The following AGBL1 variants were observed in gnomAD, a reference collection of about 807,000 sequenced individuals.
The protein encoded by AGBL1 is AGBL carboxypeptidase 1, also known as cytosolic carboxypeptidase 4.
Under a neutral mutation model 118.9 loss-of-function variants are expected in AGBL1, and 130 were observed. That is an observed-to-expected ratio of 1.09 (90% CI 0.95 to 1.26). The LOEUF (loss-of-function observed/expected upper bound fraction) is 1.26. Ranked by LOEUF, AGBL1 falls within the 50% of genes most tolerant of loss-of-function variation. AGBL1 has a pLI of 0.00. For synonymous variants in AGBL1, 555 were observed against 478.9 expected (o/e 1.16, Z -2.08); for missense variants, 1,584 against 1,298.1 (o/e 1.22, Z -3.38).
chr15:86,454,242 A>G (rs1019363708), intron 18 of AGBL1, among the ~76,000 whole-genome samples: 1 of 152,142 alleles, frequency 6.6e-6, no homozygotes, highest in African/African-American at 2.4e-5. Flanking sequence ...TCCTTCTACT[A>G]TTTTTGCTTA....
intron 22 of AGBL1, among the ~76,000 whole-genome samples, chr15:86,784,073 A>T (rs1436484320): frequency 6.6e-6 from 1 of 152,246 alleles, no homozygotes; most frequent in Non-Finnish European, 1.5e-5. Flanking sequence ...AATTTTGCAC[A>T]ATCTCTTAAC....
In AGBL1 at chr15:86,911,842, C is replaced by T. The variant is rs1194709479; in HGVS notation, c.*4548C>T. 6.6e-6 allele frequency: 1 copy of T among 152,114 alleles called. No individual in the cohort carries two copies. The highest frequency in any genetic ancestry group is 1.9e-4 in the East Asian group (1 of 5,180). The allele number at this position is 152,114 out of a possible 1,614,324, so 9.4% of individuals were successfully genotyped here. A position where few individuals can be genotyped will look rare whatever the true frequency, so the allele number is the denominator to read the frequency against. On this transcript the variant is annotated 3_prime_UTR_variant, in exon 23 of 23. Transcript: ENST00000614907. ...AGTTATATATAATCTCTCTTCCATG[C>T]CCCTGTTGCACTGTTTATATATCTC...
chr15:86,882,257 G>A (rs2079904826), intron 22 of AGBL1, among the ~76,000 whole-genome samples: 1 of 152,036 alleles, frequency 6.6e-6, no homozygotes, highest in East Asian at 1.9e-4. Flanking sequence ...TAAGTGGGGT[G>A]GTATCCAAAA....
At chr15:86,729,921 C>G (rs1042194210) in intron 22 of AGBL1, among the ~76,000 whole-genome samples, 1 of 152,156 alleles carries the variant, frequency 6.6e-6, no homozygotes, top group Non-Finnish European at 1.5e-5. Context: ...TCTCCACAAC[C>G]TCAGCAACAT....
chr15:86,229,479 C>T (rs1399724002), intron 6 of AGBL1, among the ~76,000 whole-genome samples: 1 of 152,142 alleles, frequency 6.6e-6, no homozygotes, highest in East Asian at 1.9e-4. Flanking sequence ...CAATTACCTC[C>T]CACCAGGTCC....
At chr15:86,889,480 C>T (rs911003993) in intron 22 of AGBL1, among the ~76,000 whole-genome samples, 10 of 152,012 alleles carry the variant, frequency 6.6e-5, no homozygotes, top group Admixed American at 2.0e-4. Context: ...CTGCACAGAT[C>T]GACCTATCAC....
At chr15:86,798,872 T>G (rs2078610211) in intron 22 of AGBL1, among the ~76,000 whole-genome samples, 1 of 151,890 alleles carries the variant, frequency 6.6e-6, no homozygotes. Context: ...TGATTATTAT[T>G]GTTGGAAGTG....
Position 86,279,679 on chromosome 15 carries a change from T to C in AGBL1, c.2116T>C (p.Ser706Pro), listed in dbSNP as rs2079316579. The stretch of plus-strand genomic sequence containing the variant: ...GAGTACAGCTGTTGCAGGCGGAGCA[T>C]CTGGGAAGTGCTACTATACCCTCAC... ...RQSTAVAGGA[S>P]GKCYYTLTFA... The change falls in exon 16 of 23, where the codon TCT becomes CCT. Residue 706 changes from serine to proline, a missense_variant. By Grantham distance (74) the Ser-to-Pro change is moderately conservative. Transcript: ENST00000614907. 1.9e-6 allele frequency: 3 copies of C among 1,613,386 alleles called. No homozygotes were observed. Among genetic ancestry groups the C allele is most frequent in the Non-Finnish European group, 2.5e-6 (3 of 1,179,558 alleles).
At chr15:86,625,368 TTTTTTTTTTTGTTTTTG>T (rs376512558) in intron 21 of AGBL1, among the ~76,000 whole-genome samples, 31,392 of 94,836 alleles carry the variant, frequency 0.33, 7,634 homozygotes, top group East Asian at 0.56. Flanking sequence ...AATTAGCGTT[TTTTTTTTTTTGTTTTTG>T]TTTTTTTTTT....
chr15:86,749,919 T>C (rs1361791228), intron 22 of AGBL1, among the ~76,000 whole-genome samples: 1 of 152,182 alleles, frequency 6.6e-6, no homozygotes, highest in East Asian at 1.9e-4. Flanking sequence ...TGCCAGTATT[T>C]TATTGAGGAT....
At chr15:86,195,378 T>C (rs1436361666) in intron 5 of AGBL1, among the ~76,000 whole-genome samples, 1 of 152,166 alleles carries the variant, frequency 6.6e-6, no homozygotes, top group Non-Finnish European at 1.5e-5. Context: ...GCTGTAACTG[T>C]TCTGAAGGTG....
intron 18 of AGBL1, among the ~76,000 whole-genome samples, chr15:86,421,157 A>G (rs2081784144): frequency 6.6e-6 from 1 of 152,170 alleles, no homozygotes; most frequent in African/African-American, 2.4e-5. Flanking sequence ...AAGACACATA[A>G]CCGTCAGATT....
chr15:86,124,441 C>A (rs1392091066), intron 1 of AGBL1, among the ~76,000 whole-genome samples: 1 of 151,860 alleles, frequency 6.6e-6, no homozygotes. Flanking sequence ...ATGTATCATG[C>A]TATTATAAGA....
chr15:86,672,730 C>G (rs2085768665), intron 21 of AGBL1, among the ~76,000 whole-genome samples: 1 of 126,164 alleles, frequency 7.9e-6, no homozygotes, highest in Non-Finnish European at 1.8e-5. Flanking sequence ...GTGATCTTTT[C>G]TATTGACTTA....
In AGBL1 at chr15:86,643,530, T is replaced by C. The variant is rs376208309; in HGVS notation, c.2995-30743T>C. Among the ~76,000 whole-genome samples, 28 of 152,260 alleles carry C rather than the reference T, an allele frequency of 1.8e-4. No homozygotes were observed. The South Asian group carries it at 2.7e-3, about 15-fold the overall frequency. ...TTACGTATATTAGCTTGTCGCTAAC[T>C]TCTCTTTTTTTCTTAATTAGATTTA... On this transcript the variant is annotated intron_variant, in intron 21 of 22. Transcript: ENST00000614907.
At chr15:86,937,081 T>A (rs1244281515) in intron 23 of AGBL1, among the ~76,000 whole-genome samples, 1 of 152,086 alleles carries the variant, frequency 6.6e-6, no homozygotes, top group African/African-American at 2.4e-5. Flanking sequence ...ATTAGAGAAA[T>A]GCAAATGGAA....
intron 6 of AGBL1, among the ~76,000 whole-genome samples, chr15:86,231,290 G>A (rs921237550): frequency 6.6e-6 from 1 of 152,148 alleles, no homozygotes; most frequent in Admixed American, 6.5e-5. Flanking sequence ...AAGAATTCCA[G>A]GTTCCTGACT....
chr15:86,789,348 T>C (rs778487146), intron 22 of AGBL1, among the ~76,000 whole-genome samples: 1 of 152,206 alleles, frequency 6.6e-6, no homozygotes, highest in Non-Finnish European at 1.5e-5. Flanking sequence ...GAGGGTGAGA[T>C]AGAGATCATC....
intron 24 of AGBL1, among the ~76,000 whole-genome samples, chr15:87,001,336 A>C (rs2081435212): frequency 6.6e-6 from 1 of 151,970 alleles, no homozygotes; most frequent in African/African-American, 2.4e-5. Flanking sequence ...GCTGCAAAGT[A>C]TTGCATGGTG....
Sources: gnomAD v4.1 joint callset for allele counts (sites outside exome capture counted in the v4.1 genomes callset) on GRCh38, gnomAD v4.1.1 for gene constraint, MANE v1.5 for transcripts, NCBI Gene and HGNC (gene_info 2026-07-23, HGNC 2026-07-21) for gene names.